The following MOB3A variants were observed in gnomAD, a reference collection of about 807,000 sequenced individuals.
MOB3A encodes MOB kinase activator 3A, also known as MOB LAK.
MOB3A carries 17 observed loss-of-function variants against 17.8 expected under a neutral mutation model. The observed-to-expected ratio is 0.95, with a 90% CI of 0.65 to 1.43. MOB3A has a LOEUF of 1.43. MOB3A is among the 40% of genes most tolerant of loss of function. The probability of loss-of-function intolerance (pLI) is 0.00; values close to 1 mark genes in which losing one functional copy is unlikely to be tolerated. For synonymous variants in MOB3A, 124 were observed against 133.2 expected, an observed-to-expected ratio of 0.93 and a Z score of 0.48; for missense variants, 333 against 310.8, an observed-to-expected ratio of 1.07 and a Z score of -0.54.
intron 2 of MOB3A, among the ~76,000 whole-genome samples, chr19:2,083,404 G>A (rs1478114620): frequency 6.6e-6 from 1 of 152,176 alleles, no homozygotes; most frequent in Non-Finnish European, 1.5e-5. Context: ...CCTGCCCTCA[G>A]GCCACACCAC....
At chr19:2,080,282 G>A (rs940242305) in intron 2 of MOB3A, among the ~76,000 whole-genome samples, 1 of 152,118 alleles carries the variant, frequency 6.6e-6, no homozygotes, top group Non-Finnish European at 1.5e-5. Flanking sequence ...AGAGGGGAGA[G>A]GGAGTGAGGC....
intron 4 of MOB3A, 99 bp downstream of exon 4, chr19:2,076,712 C>T (rs1003366730): frequency 7.9e-6 from 10 of 1,271,610 alleles, no homozygotes; most frequent in African/African-American, 7.4e-5. Context: ...GCTGCTGGGC[C>T]GACCGCAAGC....
intron 1 of MOB3A, among the ~76,000 whole-genome samples, chr19:2,094,523 A>T (rs966909380): frequency 6.6e-5 from 10 of 152,208 alleles, no homozygotes; most frequent in African/African-American, 1.7e-4. Context: ...CACGCAGGGA[A>T]ATGAATGACT....
chr19:2,094,709 A>T (rs1232888586), intron 1 of MOB3A, among the ~76,000 whole-genome samples: 1 of 152,262 alleles, frequency 6.6e-6, no homozygotes, highest in Non-Finnish European at 1.5e-5. Context: ...CCCGCTGCCT[A>T]TGCAGGAGGC....
intron 1 of MOB3A, 198 bp from the exon 2 acceptor site, chr19:2,085,526 C>G (rs1316100459): frequency 6.6e-6 from 1 of 152,340 alleles, no homozygotes; most frequent in Non-Finnish European, 1.5e-5. Flanking sequence ...GACCGCTGCC[C>G]CAGAGCACGG....
At position 2,078,273 on chromosome 19, in the gene MOB3A, C is replaced by T; in HGVS notation, c.288G>A (p.Lys96=). 1 of 1,614,136 alleles carries T rather than the reference C, an allele frequency of 6.2e-7. No homozygotes were observed. ...QSCPVMSGGP[K]YEYRWQDEHK... ...GCTCATCCTGCCAGCGGTACTCATACTTGGGGCCCCCCGACATGACGGGGC... is the reference window on the plus strand; with the variant it reads ...GCTCATCCTGCCAGCGGTACTCATATTTGGGGCCCCCCGACATGACGGGGC... The change falls in exon 3 of 5, where the codon AAG becomes AAA. Residue 96 remains lysine, a synonymous_variant. Coordinates refer to ENST00000357066, the MANE Select transcript of MOB3A (RefSeq NM_130807.3).
At chr19:2,077,356 C>T (rs969599357) in intron 3 of MOB3A, among the ~76,000 whole-genome samples, 2 of 151,596 alleles carry the variant, frequency 1.3e-5, no homozygotes, top group Non-Finnish European at 2.9e-5. Flanking sequence ...GAGCCGAGAT[C>T]GTGCCACTGC....
At chr19:2,078,023 G>A (rs1457050182) in intron 3 of MOB3A, 117 bp downstream of exon 3, 6 of 1,081,602 alleles carry the variant, frequency 5.5e-6, no homozygotes, top group Non-Finnish European at 5.1e-6. Flanking sequence ...GGGCTCAAGC[G>A]ATCCCTGGGC....
At chr19:2,095,895 C>G (rs1442741144) in intron 1 of MOB3A, among the ~76,000 whole-genome samples, 1 of 152,106 alleles carries the variant, frequency 6.6e-6, no homozygotes, top group African/African-American at 2.4e-5. Flanking sequence ...CAGGTGCGCG[C>G]CACCTCGTCC....
At chr19:2,073,576 A>G (rs2017367456) in intron 4 of MOB3A, 152 bp from the exon 5 acceptor site, 5 of 956,518 alleles carry the variant, frequency 5.2e-6, no homozygotes. Context: ...GCAATGGCAC[A>G]CCTGAGACCA....
rs1410293513 is a variant in MOB3A, at chr19:2,071,396, T to G, written c.*1999A>C. 1 of 152,254 alleles carries G rather than the reference T, an allele frequency of 6.6e-6. No homozygotes were observed. Among genetic ancestry groups the G allele is most frequent in the African/African-American group, 2.4e-5 (1 of 41,452 alleles). 9.4% of individuals were successfully genotyped at this position (152,254 alleles called of 1,614,324 possible). Reference sequence around the variant, plus strand: ...TCCTGGGAGTTTCAGGCTTCGGCAGTAACAGTGTGTTAATTGCACTTGTTC... The same window carrying G: ...TCCTGGGAGTTTCAGGCTTCGGCAGGAACAGTGTGTTAATTGCACTTGTTC... On this transcript the variant is annotated 3_prime_UTR_variant, in exon 5 of 5. Coordinates refer to ENST00000357066, the MANE Select transcript of MOB3A (RefSeq NM_130807.3).
chr19:2,079,289 G>C (rs1169716635), intron 2 of MOB3A, among the ~76,000 whole-genome samples: 1 of 152,242 alleles, frequency 6.6e-6, no homozygotes, highest in African/African-American at 2.4e-5. Context: ...TGTGGGGCAG[G>C]CTGAGATGCC....
At position 2,078,386 on chromosome 19, in the gene MOB3A, C is replaced by T. The variant is rs367923371; in HGVS notation, c.175G>A (p.Asp59Asn). ...VQLPPGEDLN[D>N]WVAVHVVDFF... ...TCCACCACGTGAACAGCCACCCAGT[C>T]GTTCAGGTCCTCGCCCGGGGGCAAC... is the stretch of plus-strand genomic sequence containing the variant. The change falls in exon 3 of 5, where the codon GAC becomes AAC. Residue 59 changes from aspartate to asparagine, a missense_variant. Asp to Asn is a conservative substitution (Grantham distance 23, BLOSUM62 1). Coordinates refer to ENST00000357066, the MANE Select transcript of MOB3A (RefSeq NM_130807.3). The T allele has an allele frequency of 9.9e-6, 16 of 1,614,058 alleles. No individual in the cohort carries two copies. The highest frequency in any genetic ancestry group is 2.2e-5 in the East Asian group (1 of 44,902).
intron 4 of MOB3A, among the ~76,000 whole-genome samples, chr19:2,073,892 A>G (rs1439381748): frequency 1.3e-5 from 2 of 152,138 alleles, no homozygotes; most frequent in Admixed American, 1.3e-4. Flanking sequence ...TTAGCCTGGC[A>G]TGGTGGCAGG....
At chr19:2,089,752 G>C (rs2144937334) in intron 1 of MOB3A, among the ~76,000 whole-genome samples, 2 of 152,244 alleles carry the variant, frequency 1.3e-5, no homozygotes, top group Non-Finnish European at 1.5e-5. Flanking sequence ...TGTCTGGTGT[G>C]AGCAGGGAGC....
intron 3 of MOB3A, among the ~76,000 whole-genome samples, chr19:2,077,804 G>A (rs1381779837): frequency 1.3e-5 from 2 of 149,656 alleles, no homozygotes; most frequent in Non-Finnish European, 3.0e-5. Context: ...TTTTTTTTGA[G>A]ACAGGGTCTT....
In MOB3A at chr19:2,073,158, A is replaced by G; in HGVS notation, c.*237T>C. 1 of 578,824 alleles carries G rather than the reference A, an allele frequency of 1.7e-6. No homozygotes were observed. The highest frequency in any genetic ancestry group is 3.1e-6 in the Non-Finnish European group (1 of 325,444). The allele number at this position is 578,824 out of a possible 1,614,324, so 35.9% of individuals were successfully genotyped here. ...GGGCTTTTCCGGTTGCTAGTAACAC[A>G]TAGAATTACAGAGTTCACGTTTTAG... On this transcript the variant is annotated 3_prime_UTR_variant, in exon 5 of 5. Transcript: ENST00000357066.
intron 4 of MOB3A, among the ~76,000 whole-genome samples, chr19:2,075,541 T>C (rs1170697853): frequency 1.3e-5 from 2 of 152,032 alleles, no homozygotes; most frequent in African/African-American, 4.8e-5. Flanking sequence ...GGTCCCGCTC[T>C]CACATCAGGA....
At chr19:2,095,054 C>T (rs1321049497) in intron 1 of MOB3A, among the ~76,000 whole-genome samples, 2 of 152,128 alleles carry the variant, frequency 1.3e-5, no homozygotes, top group African/African-American at 4.8e-5. Flanking sequence ...GCCTGTAATC[C>T]CAGCTACTCA....
Sources: gnomAD v4.1 joint callset for allele counts (sites outside exome capture counted in the v4.1 genomes callset) on GRCh38, gnomAD v4.1.1 for gene constraint, MANE v1.5 for transcripts, NCBI Gene and HGNC (gene_info 2026-07-23, HGNC 2026-07-21) for gene names.